Variants in SMYD1 observed in about 807,000 individuals in gnomAD.
SMYD1 encodes the protein histone-lysine N-methyltransferase SMYD1.
SMYD1 carries 49 observed loss-of-function variants against 54.0 expected under a neutral mutation model. The ratio of observed to expected loss-of-function variants is 0.91; its 90% CI spans 0.72 to 1.15. The LOEUF (loss-of-function observed/expected upper bound fraction) is 1.15, where lower values mean the gene tolerates loss of function less well. Among genes scored for constraint, SMYD1 ranks in the 50% most tolerant of loss-of-function variants. The pLI, the probability that SMYD1 is intolerant of heterozygous loss-of-function variation, is 0.00. For missense variants in SMYD1, 653 were observed against 639.6 expected (o/e 1.02, Z -0.23); for synonymous variants, 269 against 234.2 (o/e 1.15, Z -1.36).
In SMYD1 at chr2:88,111,994, C is replaced by T; in HGVS notation, c.*1482C>T. The T allele has an allele frequency of 1.4e-6, 1 of 696,872 alleles. No individual in the cohort carries two copies. The allele number at this position is 696,872 out of a possible 1,614,324, so 43.2% of individuals were successfully genotyped here. A position where few individuals can be genotyped will look rare whatever the true frequency, so the allele number is the denominator to read the frequency against. ...CTCACCACATGATGACCTGCTGTGT[C>T]CCTCTGAGCACTACCCAGTGGCTGA... On this transcript the variant is annotated 3_prime_UTR_variant, in exon 10 of 10. Coordinates refer to ENST00000419482, the MANE Select transcript of SMYD1 (RefSeq NM_198274.4).
intron 5 of SMYD1, among the ~76,000 whole-genome samples, chr2:88,095,255 G>T (rs2919884): frequency 6.6e-6 from 1 of 152,004 alleles, no homozygotes; most frequent in South Asian, 2.1e-4. Context: ...CTGAAAATTG[G>T]GGTAAGGAAC....
In SMYD1 at chr2:88,084,364, C is replaced by T; in HGVS notation, c.186C>T (p.Leu62=). ...CHTCFKRQEK[L]HRCGQCKFAH... Reference sequence around the variant, plus strand: ...CCTGCTTCAAGAGGCAGGAGAAGCTCCATCGCTGTGGGCAGTGCAAGTTTG... The same window carrying T: ...CCTGCTTCAAGAGGCAGGAGAAGCTTCATCGCTGTGGGCAGTGCAAGTTTG... The change falls in exon 2 of 10, where the codon CTC becomes CTT. Residue 62 remains leucine, a synonymous_variant. Transcript: ENST00000419482. 6.3e-7 allele frequency: 1 copy of T among 1,593,672 alleles called. No homozygotes were observed. Among genetic ancestry groups the T allele is most frequent in the Non-Finnish European group, 8.6e-7 (1 of 1,163,040 alleles).
At chr2:88,098,498 A>T (rs1205560209) in intron 6 of SMYD1, among the ~76,000 whole-genome samples, 4 of 152,204 alleles carry the variant, frequency 2.6e-5, no homozygotes, top group Non-Finnish European at 5.9e-5. Flanking sequence ...TTTCTATTAT[A>T]TTTTATATCA....
rs1185068396 is a variant in SMYD1 at position 88,091,089 on chromosome 2, C to A, written c.606C>A (p.Gly202=). 1 of 1,614,170 alleles carries A rather than the reference C, an allele frequency of 6.2e-7. No individual in the cohort carries two copies. Among genetic ancestry groups the A allele is most frequent in the Admixed American group, 1.7e-5 (1 of 60,020 alleles). ...GCGTAGGCATCTTCCCCAACCTGGG[C>A]CTGGTGAACCATGACTGTTGGCCCA... is the stretch of plus-strand genomic sequence containing the variant. The part of the protein sequence containing the change: ...AVGVGIFPNL[G]LVNHDCWPNC... Residue 202 remains glycine, a synonymous_variant, in exon 4 of 10, where the codon GGC becomes GGA. Transcript: ENST00000419482.
Position 88,103,063 on chromosome 2 carries a change from T to A in SMYD1, c.894T>A (p.Ser298=), listed in dbSNP as rs779320588. Residue 298 remains serine (S), a synonymous_variant, in exon 7 of 10, where the codon TCT becomes TCA. Coordinates refer to ENST00000419482, the MANE Select transcript of SMYD1 (RefSeq NM_198274.4). ...FLGVKDNPKP[S]QEVVKEMIQF... is the part of the protein sequence containing the mutation. ...AATGTGTCTCTCTTTCCCAGCCCTC[T>A]CAGGAAGTGGTGAAGGAGATGATAC... The A allele has an allele frequency of 2.8e-5, 45 of 1,613,864 alleles. No homozygotes were observed. The highest frequency in any genetic ancestry group is 3.6e-5 in the Non-Finnish European group (42 of 1,179,936).
intron 9 of SMYD1, among the ~76,000 whole-genome samples, chr2:88,109,304 G>C (rs1350358684): frequency 6.6e-6 from 1 of 151,828 alleles, no homozygotes; most frequent in Non-Finnish European, 1.5e-5. Flanking sequence ...ATATTAGAAA[G>C]TATTCTGTGT....
chr2:88,077,796 T>C (rs1034532074), intron 1 of SMYD1, among the ~76,000 whole-genome samples: 8 of 149,718 alleles, frequency 5.3e-5, no homozygotes, highest in Non-Finnish European at 1.2e-4. Context: ...TGATCTCGGC[T>C]CACTGCAAGC....
chr2:88,089,601 T>C (rs1454270805), intron 3 of SMYD1, among the ~76,000 whole-genome samples: 1 of 146,970 alleles, frequency 6.8e-6, no homozygotes, highest in African/African-American at 2.6e-5. Flanking sequence ...TTTTTTTTTT[T>C]TTTTTTTTGA....
At chr2:88,104,685 C>T (rs1674816847) in intron 7 of SMYD1, among the ~76,000 whole-genome samples, 1 of 152,276 alleles carries the variant, frequency 6.6e-6, no homozygotes, top group Admixed American at 6.5e-5. Flanking sequence ...GCCTCATGAA[C>T]TCTGGGAAAG....
intron 8 of SMYD1, among the ~76,000 whole-genome samples, chr2:88,108,048 G>A (rs1674922936): frequency 6.6e-6 from 1 of 152,246 alleles, no homozygotes; most frequent in Non-Finnish European, 1.5e-5. Context: ...GCTGGGAGCT[G>A]TAGACTGGAG....
rs140726018 is a variant in SMYD1 at position 88,106,600 on chromosome 2, G to A, written c.1145+112G>A. On this transcript the variant is annotated intron_variant, in intron 8 of 9. Coordinates refer to ENST00000419482, the MANE Select transcript of SMYD1 (RefSeq NM_198274.4). The stretch of plus-strand genomic sequence containing the variant: ...TCTCCCTCCTATACCCACAGCAGGC[G>A]TCAGTAATCCATCATGGTTCTCTTT... 930 of 1,108,888 alleles carry A rather than the reference G, an allele frequency of 8.4e-4. 3 individuals are homozygous for A. In the African/African-American group the frequency reaches 0.013, roughly 15 times the overall value. The allele number at this position is 1,108,888 out of a possible 1,614,324, so 68.7% of individuals were successfully genotyped here.
At chr2:88,092,747 G>C (rs1017338956) in intron 4 of SMYD1, among the ~76,000 whole-genome samples, 10 of 152,238 alleles carry the variant, frequency 6.6e-5, no homozygotes, top group Non-Finnish European at 1.5e-4. Context: ...GCTGTTGACT[G>C]AGCTTGACCT....
At chr2:88,101,946 G>C (rs770660134) in intron 6 of SMYD1, among the ~76,000 whole-genome samples, 33 of 152,190 alleles carry the variant, frequency 2.2e-4, no homozygotes, top group South Asian at 8.3e-4. Context: ...TGCTTTGATT[G>C]GTCAGTGCTT....
chr2:88,075,220 G>A (rs966681305), intron 1 of SMYD1, among the ~76,000 whole-genome samples: 2 of 152,202 alleles, frequency 1.3e-5, no homozygotes, highest in African/African-American at 4.8e-5. Flanking sequence ...GTTGTGAGCT[G>A]TATTGCTAAA....
intron 5 of SMYD1, among the ~76,000 whole-genome samples, chr2:88,094,047 G>C (rs547281725): frequency 2.0e-4 from 30 of 152,304 alleles, no homozygotes; most frequent in African/African-American, 6.5e-4. Context: ...TGAATTAGTA[G>C]TTTAGGTTAA....
chr2:88,079,889 A>G (rs1674150155), intron 1 of SMYD1, among the ~76,000 whole-genome samples: 1 of 152,242 alleles, frequency 6.6e-6, no homozygotes, highest in Admixed American at 6.5e-5. Context: ...GCAATTCTAA[A>G]CAACGTCAAG....
intron 9 of SMYD1, 91 bp downstream of exon 9, chr2:88,108,630 G>A (rs1674941557): frequency 7.7e-7 from 1 of 1,304,994 alleles, no homozygotes; most frequent in African/African-American, 1.5e-5. Context: ...CTTTAGAAAA[G>A]TCCACATACT....
chr2:88,110,254 G>T, intron 9 of SMYD1, 100 bp from the exon 10 acceptor site: 9 of 1,245,184 alleles, frequency 7.2e-6, no homozygotes, highest in Non-Finnish European at 1.0e-5. Flanking sequence ...GGGTAGAGTT[G>T]AATCTCCGTG....
intron 2 of SMYD1, among the ~76,000 whole-genome samples, chr2:88,086,515 G>A (rs1674328942): frequency 6.6e-6 from 1 of 152,126 alleles, no homozygotes; most frequent in Admixed American, 6.5e-5. Flanking sequence ...GTCTCTATAG[G>A]TCTCCTCCTG....
Sources: allele counts gnomAD v4.1 joint callset (sites outside exome capture counted in the v4.1 genomes callset), GRCh38; gene constraint gnomAD v4.1.1; transcripts MANE v1.5; gene names NCBI Gene and HGNC (gene_info 2026-07-23, HGNC 2026-07-21).